The following KDM5B variants were observed in gnomAD, a reference collection of about 807,000 sequenced individuals.
KDM5B encodes lysine demethylase 5B.
In KDM5B, 144 loss-of-function variants were observed where a neutral mutation model predicts 193.4. The ratio of observed to expected loss-of-function variants is 0.74; its 90% CI spans 0.65 to 0.86. The LOEUF is 0.86. Ranked by LOEUF, KDM5B falls within the 40% of genes least tolerant of loss-of-function variation. The probability of loss-of-function intolerance (pLI) is 0.00; values close to 1 mark genes in which losing one functional copy is unlikely to be tolerated. For missense variants in KDM5B, 1,833 were observed against 1,886.9 expected, an observed-to-expected ratio of 0.97 and a Z score of 0.53; for synonymous variants, 668 against 682.6, an observed-to-expected ratio of 0.98 and a Z score of 0.33.
chr1:202,769,446 G>A (rs981986496), intron 4 of KDM5B, among the ~76,000 whole-genome samples: 1 of 151,350 alleles, frequency 6.6e-6, no homozygotes, highest in Non-Finnish European at 1.5e-5. Context: ...AAGGCAGGTA[G>A]ATCACTTGAG....
chr1:202,758,002 C>G (rs1289954807), intron 9 of KDM5B, among the ~76,000 whole-genome samples: 3 of 152,176 alleles, frequency 2.0e-5, no homozygotes, highest in African/African-American at 7.2e-5. Flanking sequence ...ATAATACTAA[C>G]TTATGATTAC....
At chr1:202,789,323 C>T (rs979576240) in intron 1 of KDM5B, among the ~76,000 whole-genome samples, 1 of 151,962 alleles carries the variant, frequency 6.6e-6, no homozygotes, top group Non-Finnish European at 1.5e-5. Context: ...GAGTTCGAGA[C>T]CAGCCTGACC....
intron 11 of KDM5B, among the ~76,000 whole-genome samples, chr1:202,754,690 CTTTT>C (rs879723332): frequency 8.5e-5 from 13 of 152,226 alleles, no homozygotes; most frequent in Admixed American, 8.5e-4. Context: ...GTAAATACTT[CTTTT>C]TGTTTTGAGG....
chr1:202,740,630 T>C (rs754280900), intron 20 of KDM5B, 44 bp downstream of exon 20: 9 of 1,551,962 alleles, frequency 5.8e-6, no homozygotes, highest in East Asian at 2.3e-5. Context: ...TATTGCTCTT[T>C]ATGGATGCAC....
intron 6 of KDM5B, among the ~76,000 whole-genome samples, chr1:202,763,288 A>G (rs567036134): frequency 6.6e-6 from 1 of 152,166 alleles, no homozygotes; most frequent in Admixed American, 6.6e-5. Context: ...TCAATTACTG[A>G]ACTATCATGT....
At chr1:202,767,234 T>G (rs1656506258) in intron 4 of KDM5B, 174 bp from the exon 5 acceptor site, 2 of 1,583,296 alleles carry the variant, frequency 1.3e-6, no homozygotes, top group Non-Finnish European at 1.7e-6. Flanking sequence ...CACCCTTATG[T>G]TTTAAGCAGT....
At chr1:202,745,640 C>T (rs1655522265) in intron 16 of KDM5B, among the ~76,000 whole-genome samples, 1 of 152,104 alleles carries the variant, frequency 6.6e-6, no homozygotes, top group African/African-American at 2.4e-5. Flanking sequence ...TGTTGCACAA[C>T]TCATATAACA....
chr1:202,725,431 G>A lies in KDM5B; in HGVS notation c.*3605C>T, dbSNP rs1654640430. The A allele has an allele frequency of 6.6e-6, 1 of 152,172 alleles. No homozygotes were observed. The highest frequency in any genetic ancestry group is 1.5e-5 in the Non-Finnish European group (1 of 68,028). 9.4% of individuals were successfully genotyped at this position (152,172 alleles called of 1,614,324 possible). A position where few individuals can be genotyped will look rare whatever the true frequency, so the allele number is the denominator to read the frequency against. ...ATTTCTATAATAAGTTACACATGAA[G>A]CCTCCCAAAAGAAAGCTGAGAAGCT... On this transcript the variant is annotated 3_prime_UTR_variant, in exon 27 of 27. Transcript: ENST00000367265.
chr1:202,797,262 C>T (rs186013133), intron 1 of KDM5B, among the ~76,000 whole-genome samples: 1 of 152,146 alleles, frequency 6.6e-6, no homozygotes, highest in Admixed American at 6.5e-5. Flanking sequence ...CAGCCCAGGC[C>T]ATCCTCAGAC....
chr1:202,747,942 TAA>T, intron 14 of KDM5B, among the ~76,000 whole-genome samples: 1 of 150,662 alleles, frequency 6.6e-6, no homozygotes, highest in African/African-American at 2.4e-5. Context: ...TTAAAAAAAG[TAA>T]AAGAGATAAA....
chr1:202,784,290 G>T (rs1234001210), intron 1 of KDM5B, among the ~76,000 whole-genome samples: 2 of 152,140 alleles, frequency 1.3e-5, no homozygotes, highest in Non-Finnish European at 1.5e-5. Context: ...ACGAAAGTTG[G>T]CTCTAACTCC....
At position 202,774,615 on chromosome 1, in the gene KDM5B, T is replaced by C; in HGVS notation, c.403A>G (p.Lys135Glu). 6.2e-7 allele frequency: 1 copy of C among 1,610,020 alleles called. No individual in the cohort carries two copies. Among genetic ancestry groups the C allele is most frequent in the Non-Finnish European group, 8.5e-7 (1 of 1,177,034 alleles). Residue 135 changes from lysine to glutamate, a missense_variant and splice_region_variant, in exon 3 of 27, where the codon AAG (lysine) becomes GAG (glutamate). Transcript: ENST00000367265. ...RKILDLFQLN[K>E]LVAEEGGFAV... ...TAAGATGGTCATTAGCTCTTTACCTTATTAAGCTGAAATAAGTCCAAGATC... is the reference window on the plus strand; with the variant it reads ...TAAGATGGTCATTAGCTCTTTACCTCATTAAGCTGAAATAAGTCCAAGATC...
At chr1:202,764,370 T>G (rs1656364585) in intron 5 of KDM5B, among the ~76,000 whole-genome samples, 1 of 152,058 alleles carries the variant, frequency 6.6e-6, no homozygotes, top group African/African-American at 2.4e-5. Context: ...GGCACAGTGG[T>G]TCACACCTGT....
intron 4 of KDM5B, among the ~76,000 whole-genome samples, chr1:202,772,140 T>G (rs759559993): frequency 2.6e-5 from 4 of 152,092 alleles, no homozygotes; most frequent in Admixed American, 6.6e-5. Flanking sequence ...TCTTCCTACC[T>G]CTCTACAGCA....
chr1:202,745,755 A>G, intron 16 of KDM5B, 103 bp downstream of exon 16: 1 of 1,330,104 alleles, frequency 7.5e-7, no homozygotes, highest in Non-Finnish European at 1.1e-6. Context: ...CTAACCAAGG[A>G]TGAGGTCAGG....
intron 5 of KDM5B, among the ~76,000 whole-genome samples, chr1:202,765,750 T>C (rs754252037): frequency 6.6e-6 from 1 of 152,200 alleles, no homozygotes; most frequent in Non-Finnish European, 1.5e-5. Context: ...GAAAACAAAA[T>C]GGCTGATTTT....
intron 26 of KDM5B, 142 bp from the exon 27 acceptor site, chr1:202,729,315 C>A: frequency 1.2e-6 from 1 of 844,912 alleles, no homozygotes; most frequent in Non-Finnish European, 1.9e-6. Context: ...ACAGCTAAGC[C>A]AAATGAGTGT....
intron 11 of KDM5B, among the ~76,000 whole-genome samples, chr1:202,753,466 G>T (rs900497887): frequency 6.6e-6 from 1 of 152,084 alleles, no homozygotes; most frequent in African/African-American, 2.4e-5. Context: ...TTGCATTCCT[G>T]CCTGGGTGAC....
chr1:202,767,253 T>C, intron 4 of KDM5B, 193 bp from the exon 5 acceptor site: 2 of 1,595,926 alleles, frequency 1.3e-6, no homozygotes, highest in Non-Finnish European at 1.7e-6. Flanking sequence ...GTTGGTGTCT[T>C]ACTACAAGGA....
Sources: gnomAD v4.1 joint callset for allele counts (sites outside exome capture counted in the v4.1 genomes callset) on GRCh38, gnomAD v4.1.1 for gene constraint, MANE v1.5 for transcripts, NCBI Gene and HGNC (gene_info 2026-07-23, HGNC 2026-07-21) for gene names.